Variants in SH3RF3 observed in about 807,000 individuals in gnomAD.
SH3RF3 encodes SH3 domain containing ring finger 3.
A neutral mutation model predicts 66.3 loss-of-function variants in SH3RF3; 29 were observed. The ratio of observed to expected loss-of-function variants is 0.44; its 90% CI spans 0.33 to 0.60. The LOEUF is 0.60. Ranked by LOEUF, SH3RF3 falls within the 20% of genes least tolerant of loss-of-function variation. The probability of loss-of-function intolerance (pLI) is 0.04; values close to 1 mark genes in which losing one functional copy is unlikely to be tolerated. For synonymous variants in SH3RF3, 583 were observed against 532.0 expected (o/e 1.10, Z -1.32); for missense variants, 1,194 against 1,190.9 (o/e 1.00, Z -0.04).
intron 2 of SH3RF3, among the ~76,000 whole-genome samples, chr2:109,362,953 A>G (rs961992898): frequency 6.6e-6 from 1 of 152,118 alleles, no homozygotes; most frequent in South Asian, 2.1e-4. Context: ...TTGTGTGTGT[A>G]TATTTAAAGT....
chr2:109,496,547 C>T (rs1299119302), intron 9 of SH3RF3, among the ~76,000 whole-genome samples: 3 of 152,204 alleles, frequency 2.0e-5, no homozygotes, highest in African/African-American at 7.2e-5. Flanking sequence ...AGGGTGAGGG[C>T]ACCTGCAGCA....
intron 3 of SH3RF3, among the ~76,000 whole-genome samples, chr2:109,382,457 C>A (rs532584100): frequency 5.3e-5 from 8 of 152,140 alleles, no homozygotes; most frequent in Non-Finnish European, 8.8e-5. Flanking sequence ...TGACCCCCGA[C>A]GTGGTTGGCC....
chr2:109,492,139 C>T (rs1195580012), intron 9 of SH3RF3, among the ~76,000 whole-genome samples: 1 of 152,126 alleles, frequency 6.6e-6, no homozygotes, highest in Non-Finnish European at 1.5e-5. Flanking sequence ...ATGAATGGGC[C>T]GGTGTCCCAG....
chr2:109,242,092 C>T (rs1164607850), intron 1 of SH3RF3, among the ~76,000 whole-genome samples: 2 of 151,086 alleles, frequency 1.3e-5, no homozygotes, highest in Non-Finnish European at 2.9e-5. Context: ...GCCTGCCACA[C>T]AGGGTGGCTC....
intron 1 of SH3RF3, among the ~76,000 whole-genome samples, chr2:109,248,182 A>G (rs1374133948): frequency 6.6e-6 from 1 of 152,148 alleles, no homozygotes; most frequent in Non-Finnish European, 1.5e-5. Context: ...TATATTCTGG[A>G]TATTAATTCT....
intron 1 of SH3RF3, among the ~76,000 whole-genome samples, chr2:109,201,690 C>G (rs955726610): frequency 6.6e-6 from 1 of 152,358 alleles, no homozygotes; most frequent in Non-Finnish European, 1.5e-5. Flanking sequence ...CCGTCAGCAG[C>G]ATGGGAAACG....
At chr2:109,317,756 T>A (rs1382999535) in intron 1 of SH3RF3, among the ~76,000 whole-genome samples, 1 of 152,192 alleles carries the variant, frequency 6.6e-6, no homozygotes, top group Non-Finnish European at 1.5e-5. Context: ...TGAACAGGCT[T>A]CTGCTCGTGA....
intron 1 of SH3RF3, among the ~76,000 whole-genome samples, chr2:109,169,571 A>G (rs1185337937): frequency 2.0e-5 from 3 of 152,116 alleles, no homozygotes; most frequent in Non-Finnish European, 4.4e-5. Context: ...AAAGGCATAA[A>G]GTTGCTTTAT....
Position 109,344,738 on chromosome 2 carries a change from C to A in SH3RF3, c.574-2936C>A, listed in dbSNP as rs370331085. Among the ~76,000 whole-genome samples the A allele has an allele frequency of 4.2e-4, 64 of 152,142 alleles. 1 individual carries two copies. The highest frequency in any genetic ancestry group is 1.5e-3 in the African/African-American group (61 of 41,512). Reference sequence around the variant, plus strand: ...GGAGTTGGCAGGAGGAGTGCCCAGGCCAAGGGAAAGGGTGGGCACAGGGAT... The same window carrying A: ...GGAGTTGGCAGGAGGAGTGCCCAGGACAAGGGAAAGGGTGGGCACAGGGAT... On this transcript the variant is annotated intron_variant, in intron 1 of 9. Transcript: ENST00000309415.
At chr2:109,343,272 G>T (rs1314815345) in intron 1 of SH3RF3, among the ~76,000 whole-genome samples, 1 of 152,200 alleles carries the variant, frequency 6.6e-6, no homozygotes, top group Non-Finnish European at 1.5e-5. Flanking sequence ...TGGAGGTGCC[G>T]GGTGTCACCC....
chr2:109,340,845 C>T (rs892254802), intron 1 of SH3RF3, among the ~76,000 whole-genome samples: 7 of 152,028 alleles, frequency 4.6e-5, no homozygotes, highest in African/African-American at 9.7e-5. Context: ...ATGACCTAAC[C>T]GCTGCTTTGA....
chr2:109,273,149 C>T (rs1204480026), intron 1 of SH3RF3, among the ~76,000 whole-genome samples: 5 of 152,168 alleles, frequency 3.3e-5, no homozygotes, highest in African/African-American at 7.2e-5. Context: ...TTTTAAAATC[C>T]GCTGTACAGG....
At chr2:109,324,446 A>G (rs1682101696) in intron 1 of SH3RF3, among the ~76,000 whole-genome samples, 1 of 152,218 alleles carries the variant, frequency 6.6e-6, no homozygotes, top group Admixed American at 6.5e-5. Context: ...CATCTTTGTC[A>G]ACATTCATTA....
chr2:109,408,580 C>A (rs577343935), intron 4 of SH3RF3, among the ~76,000 whole-genome samples: 1 of 152,364 alleles, frequency 6.6e-6, no homozygotes, highest in South Asian at 2.1e-4. Flanking sequence ...GTCCCCTCTA[C>A]CAGCCCGTGA....
Position 109,371,695 on chromosome 2 carries a change from G to A in SH3RF3, c.945+14G>A, listed in dbSNP as rs375016890. The A allele has an allele frequency of 7.1e-5, 115 of 1,609,720 alleles. No homozygotes were observed. Among genetic ancestry groups the A allele is most frequent in the Non-Finnish European group, 9.0e-5 (106 of 1,177,580 alleles). On this transcript the variant is annotated intron_variant, in intron 3 of 9. Coordinates refer to ENST00000309415, the MANE Select transcript of SH3RF3 (RefSeq NM_001099289.3). ...CTGTACGTGGAGGTAAGACCGTGCC[G>A]CCCTCCCACACTTGGCTCCTTCTTG...
chr2:109,212,185 A>C (rs1360621219), intron 1 of SH3RF3, among the ~76,000 whole-genome samples: 1 of 152,140 alleles, frequency 6.6e-6, no homozygotes, highest in African/African-American at 2.4e-5. Flanking sequence ...TTGTCAGGGT[A>C]CCAGCCACTG....
chr2:109,249,725 G>A (rs1243906571), intron 1 of SH3RF3, among the ~76,000 whole-genome samples: 1 of 151,200 alleles, frequency 6.6e-6, no homozygotes, highest in African/African-American at 2.4e-5. Flanking sequence ...TCAGCTCACT[G>A]CAAGCTCCGC....
chr2:109,433,139 A>C (rs1677291075), intron 6 of SH3RF3, among the ~76,000 whole-genome samples: 1 of 152,206 alleles, frequency 6.6e-6, no homozygotes, highest in African/African-American at 2.4e-5. Flanking sequence ...TGTAAGCACA[A>C]GGTGTGTGCG....
intron 1 of SH3RF3, among the ~76,000 whole-genome samples, chr2:109,298,961 C>T (rs560135617): frequency 1.3e-5 from 2 of 152,332 alleles, no homozygotes; most frequent in Admixed American, 6.5e-5. Flanking sequence ...AAAGCCAGGC[C>T]GTATGACACG....
Sources: gnomAD v4.1 joint callset for allele counts (sites outside exome capture counted in the v4.1 genomes callset) on GRCh38, gnomAD v4.1.1 for gene constraint, MANE v1.5 for transcripts, NCBI Gene and HGNC (gene_info 2026-07-23, HGNC 2026-07-21) for gene names.